The following EIF4G3 variants were observed in gnomAD, a reference collection of about 807,000 sequenced individuals.
The protein encoded by EIF4G3 is eIF-4-gamma 3.
Under a neutral mutation model 186.4 loss-of-function variants are expected in EIF4G3, and 34 were observed. That is an observed-to-expected ratio of 0.18 (90% confidence interval 0.14 to 0.24). EIF4G3 has a LOEUF of 0.24. EIF4G3 is among the 10% of genes least tolerant of loss of function. The probability of loss-of-function intolerance (pLI) is 1.00; values close to 1 mark genes in which losing one functional copy is unlikely to be tolerated. For synonymous variants in EIF4G3, 673 were observed against 679.5 expected, an observed-to-expected ratio of 0.99 and a Z score of 0.15; for missense variants, 1,536 against 1,948.5, an observed-to-expected ratio of 0.79 and a Z score of 3.99.
intron 12 of EIF4G3, among the ~76,000 whole-genome samples, chr1:20,954,989 T>G (rs984786615): frequency 6.6e-6 from 1 of 152,162 alleles, no homozygotes; most frequent in African/African-American, 2.4e-5. Context: ...ATGCATCTCA[T>G]GCAGAGAGAA....
At chr1:21,130,854 G>A (rs1359416694) in intron 2 of EIF4G3, among the ~76,000 whole-genome samples, 2 of 152,082 alleles carry the variant, frequency 1.3e-5, no homozygotes, top group South Asian at 2.1e-4. Flanking sequence ...ATTATTTTTA[G>A]ATGGAAAATA....
intron 4 of EIF4G3, among the ~76,000 whole-genome samples, chr1:21,006,388 C>T (rs964046584): frequency 3.2e-4 from 49 of 152,144 alleles, no homozygotes; most frequent in African/African-American, 1.2e-3. Flanking sequence ...TTTGTACTTT[C>T]CCTTTTCGAA....
intron 2 of EIF4G3, among the ~76,000 whole-genome samples, chr1:21,093,847 C>A (rs1422248247): frequency 1.3e-5 from 2 of 152,050 alleles, no homozygotes; most frequent in Non-Finnish European, 2.9e-5. Context: ...AGCAAACTAT[C>A]ACAAGGACAA....
intron 33 of EIF4G3, among the ~76,000 whole-genome samples, chr1:20,820,085 T>C (rs1467223345): frequency 6.6e-6 from 1 of 151,756 alleles, no homozygotes; most frequent in East Asian, 1.9e-4. Context: ...ACCCAAACCA[T>C]AGCTGCGGAC....
rs1404613984 is a variant in EIF4G3 at position 20,895,470 on chromosome 1, C to T, written c.2031G>A (p.Lys677=). The T allele has an allele frequency of 6.2e-7, 1 of 1,613,952 alleles. No individual in the cohort carries two copies. The highest frequency in any genetic ancestry group is 1.3e-5 in the African/African-American group (1 of 74,922). ...ESWKPTDTEG[K]KQYDREFLLD... is the part of the protein sequence containing the mutation. ...GCAGAAACTCCCTGTCATACTGCTT[C>T]TTACCTTCAGTATCAGTAGGCTTCC... Residue 677 remains lysine (K), a synonymous_variant, in exon 17 of 37, where the codon AAG becomes AAA. Transcript: ENST00000602326.
intron 14 of EIF4G3, among the ~76,000 whole-genome samples, chr1:20,923,236 G>A (rs1229273893): frequency 6.6e-6 from 1 of 152,054 alleles, no homozygotes; most frequent in African/African-American, 2.4e-5. Flanking sequence ...CAACAGCACA[G>A]TATGTCATTA....
intron 12 of EIF4G3, among the ~76,000 whole-genome samples, chr1:20,960,138 T>G (rs1238727763): frequency 6.6e-6 from 1 of 152,180 alleles, no homozygotes; most frequent in Non-Finnish European, 1.5e-5. Context: ...GTGGAACTAA[T>G]CTAAGTGCAT....
In EIF4G3 at chr1:21,053,817, C is replaced by T. The variant is rs570631018; in HGVS notation, c.-195-2823G>A. On this transcript the variant is annotated intron_variant, in intron 3 of 36. Coordinates refer to ENST00000602326, the MANE Select transcript of EIF4G3 (RefSeq NM_001391906.1). ...CTGGGAAGAGAGGAGCCCCTCTGCC[C>T]GGCCAGCCGCCCCATCCGGGAGGGA... 6.5e-3 allele frequency among the ~76,000 whole-genome samples: 978 copies of T among 149,374 alleles called. 9 individuals carry two copies. Among genetic ancestry groups the T allele is most frequent in the African/African-American group, 0.023 (933 of 40,324 alleles).
At chr1:20,856,761 T>G (rs977295316) in intron 25 of EIF4G3, among the ~76,000 whole-genome samples, 2 of 152,218 alleles carry the variant, frequency 1.3e-5, no homozygotes, top group African/African-American at 2.4e-5. Flanking sequence ...TGTAAAAGCC[T>G]GCAATTGACT....
intron 4 of EIF4G3, among the ~76,000 whole-genome samples, chr1:21,048,217 G>A (rs2154576206): frequency 6.6e-6 from 1 of 152,204 alleles, no homozygotes; most frequent in East Asian, 1.9e-4. Context: ...TAAGTCCTTT[G>A]GGCCAACTGC....
chr1:21,079,355 A>G (rs560401148), intron 3 of EIF4G3, among the ~76,000 whole-genome samples: 27 of 152,226 alleles, frequency 1.8e-4, no homozygotes, highest in African/African-American at 6.5e-4. Context: ...TCAAGATTTT[A>G]TAAAATATAA....
chr1:21,004,906 C>T (rs2154569223), intron 4 of EIF4G3, among the ~76,000 whole-genome samples: 1 of 152,190 alleles, frequency 6.6e-6, no homozygotes, highest in African/African-American at 2.4e-5. Flanking sequence ...CTGTAGCTGA[C>T]ACTAAGGTTC....
chr1:20,906,420 T>A (rs2092110384), intron 14 of EIF4G3, among the ~76,000 whole-genome samples: 1 of 152,208 alleles, frequency 6.6e-6, no homozygotes, highest in Non-Finnish European at 1.5e-5. Flanking sequence ...AGAGAATCTG[T>A]AATTTTATTT....
chr1:20,886,405 T>C (rs1198333986), intron 18 of EIF4G3, 34 bp from the exon 19 acceptor site: 5 of 1,597,618 alleles, frequency 3.1e-6, no homozygotes, highest in African/African-American at 2.7e-5. Flanking sequence ...TTCAGAGTAC[T>C]TACAATTTAT....
intron 24 of EIF4G3, 53 bp downstream of exon 24, chr1:20,860,332 A>C (rs937741372): frequency 1.2e-6 from 2 of 1,607,554 alleles, no homozygotes; most frequent in Non-Finnish European, 1.7e-6. Flanking sequence ...AATTCTTAAT[A>C]TGTATTCCTG....
chr1:21,147,924 A>G (rs1171766812), intron 2 of EIF4G3, among the ~76,000 whole-genome samples: 1 of 152,216 alleles, frequency 6.6e-6, no homozygotes, highest in Non-Finnish European at 1.5e-5. Context: ...ACTAGGGTAC[A>G]CTGCAGGTAA....
chr1:21,121,791 C>G (rs921682661), intron 2 of EIF4G3, among the ~76,000 whole-genome samples: 1 of 149,622 alleles, frequency 6.7e-6, no homozygotes, highest in Non-Finnish European at 1.5e-5. Flanking sequence ...AAAAAAAAAA[C>G]TAATCCATCA....
At chr1:20,846,657 C>T (rs1240093487) in intron 29 of EIF4G3, among the ~76,000 whole-genome samples, 1 of 152,130 alleles carries the variant, frequency 6.6e-6, no homozygotes, top group Non-Finnish European at 1.5e-5. Context: ...TTTTGTTGTT[C>T]ACTACAAATA....
intron 7 of EIF4G3, among the ~76,000 whole-genome samples, chr1:20,994,269 CTCTT>C (rs1248760170): frequency 6.6e-6 from 1 of 152,148 alleles, no homozygotes; most frequent in Non-Finnish European, 1.5e-5. Flanking sequence ...AAATAGCAAA[CTCTT>C]TCTAACAATT....
Sources: allele counts gnomAD v4.1 joint callset (sites outside exome capture counted in the v4.1 genomes callset), GRCh38; gene constraint gnomAD v4.1.1; transcripts MANE v1.5; gene names NCBI Gene and HGNC (gene_info 2026-07-23, HGNC 2026-07-21).